The following ACYP2 variants were observed in gnomAD, a reference collection of about 807,000 sequenced individuals.
ACYP2 encodes the protein acylphosphatase-2.
Under a neutral mutation model 11.2 loss-of-function variants are expected in ACYP2, and 12 were observed. The observed-to-expected ratio is 1.08, with a 90% confidence interval of 0.69 to 1.74. ACYP2 has a LOEUF of 1.74. Among genes scored for constraint, ACYP2 ranks in the 40% most tolerant of loss-of-function variants. ACYP2 has a pLI of 0.00. For synonymous variants in ACYP2, 43 were observed against 32.2 expected, an observed-to-expected ratio of 1.33 and a Z score of -1.13; for missense variants, 134 against 101.9, an observed-to-expected ratio of 1.31 and a Z score of -1.35.
chr2:54,193,547 A>G (rs1684328344), intron 6 of ACYP2, among the ~76,000 whole-genome samples: 1 of 152,196 alleles, frequency 6.6e-6, no homozygotes, highest in African/African-American at 2.4e-5. Context: ...GATAAAATAA[A>G]AATTGTATTG....
At chr2:54,301,368 C>A (rs575202315) in intron 6 of ACYP2, among the ~76,000 whole-genome samples, 1 of 152,240 alleles carries the variant, frequency 6.6e-6, no homozygotes, top group East Asian at 1.9e-4. Flanking sequence ...GTACCTTGAC[C>A]AGAGTTAACC....
chr2:54,264,030 C>CA (rs1211239355), intron 6 of ACYP2, among the ~76,000 whole-genome samples: 1 of 152,102 alleles, frequency 6.6e-6, no homozygotes, highest in East Asian at 1.9e-4. Context: ...GAATTGGTTC[C>CA]ATCTGGTGGG....
chr2:54,066,672 T>C (rs1039256212), intron 4 of ACYP2, among the ~76,000 whole-genome samples: 1 of 152,182 alleles, frequency 6.6e-6, no homozygotes, highest in African/African-American at 2.4e-5. Flanking sequence ...TATTTTGAAA[T>C]TGAAGACATC....
chr2:54,224,686 G>A (rs1230903277), intron 6 of ACYP2, among the ~76,000 whole-genome samples: 1 of 147,504 alleles, frequency 6.8e-6, no homozygotes, highest in African/African-American at 2.6e-5. Context: ...AACTTTCTTC[G>A]CCTTGGAGGT....
At chr2:54,188,288 T>C (rs1031939284) in intron 6 of ACYP2, among the ~76,000 whole-genome samples, 11 of 152,088 alleles carry the variant, frequency 7.2e-5, no homozygotes, top group African/African-American at 2.7e-4. Context: ...TTTAAAAATA[T>C]CCAGGAACTA....
At chr2:54,300,680 G>T (rs886761691) in intron 6 of ACYP2, among the ~76,000 whole-genome samples, 2 of 152,146 alleles carry the variant, frequency 1.3e-5, no homozygotes, top group Non-Finnish European at 2.9e-5. Flanking sequence ...CTTCCTGCAT[G>T]CTAATCATCT....
chr2:54,298,821 G>A (rs971990631), intron 6 of ACYP2, among the ~76,000 whole-genome samples: 3 of 151,860 alleles, frequency 2.0e-5, no homozygotes, highest in Admixed American at 1.3e-4. Context: ...GTGTGATCTC[G>A]GCTCATTGCA....
chr2:54,213,353 A>C (rs1479722039), intron 6 of ACYP2, among the ~76,000 whole-genome samples: 1 of 152,106 alleles, frequency 6.6e-6, no homozygotes, highest in Non-Finnish European at 1.5e-5. Context: ...ATGGGCATCT[A>C]GATGGATTCC....
intron 6 of ACYP2, among the ~76,000 whole-genome samples, chr2:54,158,417 C>T (rs72908707): frequency 0.026 from 3,950 of 151,932 alleles, 175 homozygotes; most frequent in African/African-American, 0.089. Context: ...TGTTGCCCAG[C>T]CTGTTGTCGA....
intron 4 of ACYP2, among the ~76,000 whole-genome samples, chr2:54,132,798 G>C (rs998003950): frequency 6.7e-6 from 1 of 148,478 alleles, no homozygotes; most frequent in South Asian, 2.1e-4. Flanking sequence ...AGGCTGGAGT[G>C]CAATGGCATG....
chr2:54,039,240 A>C (rs1455111339), intron 2 of ACYP2, among the ~76,000 whole-genome samples: 1 of 129,620 alleles, frequency 7.7e-6, no homozygotes, highest in Non-Finnish European at 1.7e-5. Context: ...TTTTTTCCCC[A>C]GCCTACATCG....
intron 6 of ACYP2, among the ~76,000 whole-genome samples, chr2:54,276,430 T>C (rs7570803): frequency 0.011 from 1,652 of 152,282 alleles, 33 homozygotes; most frequent in African/African-American, 0.038. Context: ...TGCATTACCA[T>C]GATGGAGTTA....
intron 2 of ACYP2, among the ~76,000 whole-genome samples, chr2:54,043,625 A>G (rs1019656761): frequency 6.6e-6 from 1 of 152,240 alleles, no homozygotes; most frequent in Non-Finnish European, 1.5e-5. Context: ...GAATTAGATT[A>G]TATGATATAT....
At chr2:54,020,092 A>G (rs148800436) in intron 2 of ACYP2, among the ~76,000 whole-genome samples, 10,241 of 152,112 alleles carry the variant, frequency 0.067, 437 homozygotes, top group Non-Finnish European at 0.094. Flanking sequence ...GCCCACCACC[A>G]TGCCTGGCTA....
intron 6 of ACYP2, chr2:54,256,024 C>T (rs537805712): frequency 1.5e-5 from 25 of 1,614,154 alleles, no homozygotes; most frequent in African/African-American, 4.0e-5. Flanking sequence ...TGGCTCCAAG[C>T]GGCCATCAAA....
chr2:54,125,028 C>T (rs1245335921), intron 4 of ACYP2, among the ~76,000 whole-genome samples: 1 of 152,150 alleles, frequency 6.6e-6, no homozygotes, highest in Non-Finnish European at 1.5e-5. Flanking sequence ...GCTGGGATTA[C>T]AGGCATGAGC....
Position 54,125,897 on chromosome 2 carries a change from A to G in ACYP2, c.278-9556A>G, listed in dbSNP as rs551040760. ...GGCATTCAAGACCAGCCTGACCAAC[A>G]TGGAGAAACCTGGTTTCTACTAAAA... On this transcript the variant is annotated intron_variant, in intron 4 of 6. Coordinates refer to ENST00000607452, the MANE Select transcript of ACYP2 (RefSeq NM_001320586.2). 3.3e-5 allele frequency among the ~76,000 whole-genome samples: 5 copies of G among 152,268 alleles called. No homozygotes were observed. The South Asian group carries it at 8.3e-4, about 25-fold the overall frequency.
At chr2:54,117,040 G>A (rs1044171952) in intron 4 of ACYP2, among the ~76,000 whole-genome samples, 1 of 152,150 alleles carries the variant, frequency 6.6e-6, no homozygotes, top group African/African-American at 2.4e-5. Context: ...GGTGGAAAAG[G>A]TTGTTTACTG....
intron 2 of ACYP2, among the ~76,000 whole-genome samples, chr2:54,010,817 C>A (rs1317300457): frequency 7.2e-6 from 1 of 138,776 alleles, no homozygotes; most frequent in South Asian, 2.2e-4. Context: ...TACTGTCATG[C>A]GCCACTACAC....
Sources: gnomAD v4.1 joint callset for allele counts (sites outside exome capture counted in the v4.1 genomes callset) on GRCh38, gnomAD v4.1.1 for gene constraint, MANE v1.5 for transcripts, NCBI Gene and HGNC (gene_info 2026-07-23, HGNC 2026-07-21) for gene names.